Variants in SMIM13 observed in about 807,000 individuals in gnomAD.
The protein encoded by SMIM13 is small integral membrane protein 13, also known as UPF0766 protein C6orf228.
A neutral mutation model predicts 5.9 loss-of-function variants in SMIM13; 3 were observed. That is an observed-to-expected ratio of 0.51 (90% CI 0.23 to 1.31). SMIM13 has a LOEUF of 1.31. Ranked by LOEUF, SMIM13 falls within the 40% of genes most tolerant of loss-of-function variation. The pLI is 0.18. For missense variants in SMIM13, 85 were observed against 109.9 expected (o/e 0.77, Z 1.01); for synonymous variants, 55 against 46.0 (o/e 1.19, Z -0.79).
Position 11,130,872 on chromosome 6 carries a change from T to C in SMIM13, c.77-3531T>C, listed in dbSNP as rs200923915. 2.0e-4 allele frequency among the ~76,000 whole-genome samples: 31 copies of C among 152,302 alleles called. 1 individual carries two copies. In the East Asian group the frequency reaches 5.6e-3, roughly 27 times the overall value. ...CAGGAACCCCACTGGTGAGGCCCTT[T>C]ATCATAGCCTTTTCAGTCAAAAGAC... On this transcript the variant is annotated intron_variant, in intron 1 of 1. Transcript: ENST00000416247.
intron 1 of SMIM13, among the ~76,000 whole-genome samples, chr6:11,118,656 C>T (rs962316435): frequency 8.5e-5 from 13 of 152,070 alleles, no homozygotes; most frequent in African/African-American, 2.4e-4. Context: ...TATTGTAGAA[C>T]GATCTAAAAG....
intron 1 of SMIM13, chr6:11,105,486 T>A: frequency 1.7e-6 from 1 of 592,436 alleles, no homozygotes; most frequent in Non-Finnish European, 3.0e-6. Flanking sequence ...ATCTTTTTGT[T>A]TAAAGAGGAA....
At position 11,133,547 on chromosome 6, in the gene SMIM13, A is replaced by G. The variant is rs544484582; in HGVS notation, c.77-856A>G. Among the ~76,000 whole-genome samples the G allele has an allele frequency of 2.1e-3, 322 of 152,318 alleles. 1 individual carries two copies. The highest frequency in any genetic ancestry group is 5.0e-3 in the South Asian group (24 of 4,832). Reference sequence around the variant, plus strand: ...AACCAGAGTCTTTAAAGTAGACAGCATCAAGAAAACACGTAAGCATGAAAA... The same window carrying G: ...AACCAGAGTCTTTAAAGTAGACAGCGTCAAGAAAACACGTAAGCATGAAAA... On this transcript the variant is annotated intron_variant, in intron 1 of 1. Transcript: ENST00000416247.
intron 1 of SMIM13, chr6:11,102,512 G>C (rs909603924): frequency 6.6e-6 from 1 of 152,190 alleles, no homozygotes; most frequent in African/African-American, 2.4e-5. Flanking sequence ...GAGTTTATTT[G>C]AGCAAGGGTG....
intron 1 of SMIM13, among the ~76,000 whole-genome samples, chr6:11,096,519 G>C (rs1293408474): frequency 6.6e-6 from 1 of 152,128 alleles, no homozygotes; most frequent in Non-Finnish European, 1.5e-5. Flanking sequence ...ACTGATGATG[G>C]AGTAGCCTCA....
At chr6:11,129,376 G>A (rs143181267) in intron 1 of SMIM13, among the ~76,000 whole-genome samples, 392 of 152,202 alleles carry the variant, frequency 2.6e-3, no homozygotes, top group Admixed American at 8.4e-3. Context: ...TCTTTATGGC[G>A]GAATAGTATT....
intron 1 of SMIM13, among the ~76,000 whole-genome samples, chr6:11,116,968 A>T (rs1372934776): frequency 7.0e-6 from 1 of 142,934 alleles, no homozygotes; most frequent in Non-Finnish European, 1.5e-5. Flanking sequence ...ATAGACATTT[A>T]ATGATAATTG....
intron 1 of SMIM13, among the ~76,000 whole-genome samples, chr6:11,129,042 G>A (rs2113667593): frequency 6.6e-6 from 1 of 150,926 alleles, no homozygotes; most frequent in East Asian, 2.0e-4. Context: ...GCTTTTTTGT[G>A]TGGATAGTTG....
chr6:11,101,898 C>T (rs1402902332), intron 1 of SMIM13, among the ~76,000 whole-genome samples: 1 of 152,046 alleles, frequency 6.6e-6, no homozygotes, highest in African/African-American at 2.4e-5. Flanking sequence ...GCCACCACAC[C>T]CTGCTAATTT....
intron 1 of SMIM13, among the ~76,000 whole-genome samples, chr6:11,118,612 C>T (rs1758270797): frequency 6.6e-6 from 1 of 152,148 alleles, no homozygotes; most frequent in Non-Finnish European, 1.5e-5. Flanking sequence ...GGTGCTAAAG[C>T]AATTACCCAA....
chr6:11,102,121 A>G (rs561939454), intron 1 of SMIM13, among the ~76,000 whole-genome samples: 32 of 152,338 alleles, frequency 2.1e-4, no homozygotes, highest in African/African-American at 7.5e-4. Flanking sequence ...AATGGACAGT[A>G]TCTAGTGTAT....
At chr6:11,119,432 A>G (rs1288315790) in intron 1 of SMIM13, among the ~76,000 whole-genome samples, 1 of 152,150 alleles carries the variant, frequency 6.6e-6, no homozygotes, top group Non-Finnish European at 1.5e-5. Flanking sequence ...AGACAGGCGA[A>G]TCACGAGGTC....
intron 1 of SMIM13, among the ~76,000 whole-genome samples, chr6:11,121,128 A>G (rs555243163): frequency 6.6e-6 from 1 of 152,350 alleles, no homozygotes; most frequent in African/African-American, 2.4e-5. Context: ...ATTCTGGCAT[A>G]CAATGCGATA....
At position 11,094,230 on chromosome 6, in the gene SMIM13, C is replaced by T; in HGVS notation, c.-84C>T. On this transcript the variant is annotated 5_prime_UTR_variant, in exon 1 of 2. Transcript: ENST00000416247. ...GCGCCCAGCCGCGCCTGGCGCCCGC[C>T]GCTGAAGCGCAGGACGCGCCGCCGC... is the stretch of plus-strand genomic sequence containing the variant. The T allele has an allele frequency of 1.4e-6, 1 of 698,432 alleles. No homozygotes were observed. Among genetic ancestry groups the T allele is most frequent in the South Asian group, 6.2e-5 (1 of 16,154 alleles). The allele number at this position is 698,432 out of a possible 1,614,324, so 43.3% of individuals were successfully genotyped here.
intron 1 of SMIM13, among the ~76,000 whole-genome samples, chr6:11,122,388 A>G (rs1472999960): frequency 6.6e-6 from 1 of 152,244 alleles, no homozygotes; most frequent in African/African-American, 2.4e-5. Flanking sequence ...CTGAAAGGGA[A>G]AATATGAATC....
At position 11,137,916 on chromosome 6, in the gene SMIM13, T is replaced by C. The variant is rs372539864; in HGVS notation, c.*3314T>C. 4.6e-5 allele frequency: 7 copies of C among 152,218 alleles called. No homozygotes were observed. Among genetic ancestry groups the C allele is most frequent in the African/African-American group, 1.2e-4 (5 of 41,466 alleles). The allele number at this position is 152,218 out of a possible 1,614,324, so 9.4% of individuals were successfully genotyped here. A position where few individuals can be genotyped will look rare whatever the true frequency, so the allele number is the denominator to read the frequency against. On this transcript the variant is annotated 3_prime_UTR_variant, in exon 2 of 2. Transcript: ENST00000416247. Reference sequence around the variant, plus strand: ...ATGCAGACCCATTTCTTTAGAGATATTAGGTTTAAAACCCATTTTAATTTT... The same window carrying C: ...ATGCAGACCCATTTCTTTAGAGATACTAGGTTTAAAACCCATTTTAATTTT...
chr6:11,114,592 C>CTCTTTTTTTTTTT (rs1758212653), intron 1 of SMIM13, among the ~76,000 whole-genome samples: 2 of 21,842 alleles, frequency 9.2e-5, no homozygotes, highest in Non-Finnish European at 1.5e-4. Flanking sequence ...CACTTTTTCT[C>CTCTTTTTTTTTTT]TTTTTTTTTT....
chr6:11,116,040 CAG>C (rs1465885110), intron 1 of SMIM13, among the ~76,000 whole-genome samples: 3 of 89,434 alleles, frequency 3.4e-5, no homozygotes, highest in Non-Finnish European at 6.1e-5. Context: ...TTTTTTTTGA[CAG>C]AGTCTCACTC....
chr6:11,097,301 G>A (rs955294829), intron 1 of SMIM13, among the ~76,000 whole-genome samples: 1 of 152,168 alleles, frequency 6.6e-6, no homozygotes, highest in African/African-American at 2.4e-5. Flanking sequence ...AAGGACATCA[G>A]TCGCTGGATT....
Sources: allele counts gnomAD v4.1 joint callset (sites outside exome capture counted in the v4.1 genomes callset), GRCh38; gene constraint gnomAD v4.1.1; transcripts MANE v1.5; gene names NCBI Gene and HGNC (gene_info 2026-07-23, HGNC 2026-07-21).